THSD7B: variants seen among roughly 807,000 people sequenced by gnomAD.
THSD7B encodes thrombospondin type-1 domain-containing protein 7B.
Under a neutral mutation model 213.6 loss-of-function variants are expected in THSD7B, and 138 were observed. The ratio of observed to expected loss-of-function variants is 0.65; its 90% CI spans 0.56 to 0.74. THSD7B has a LOEUF of 0.74. Ranked by LOEUF, THSD7B falls within the 30% of genes least tolerant of loss-of-function variation. The probability of loss-of-function intolerance (pLI) is 0.00; values close to 1 mark genes in which losing one functional copy is unlikely to be tolerated. For synonymous variants in THSD7B, 742 were observed against 687.0 expected (o/e 1.08, Z -1.25); for missense variants, 1,931 against 1,991.5 (o/e 0.97, Z 0.58).
At chr2:137,545,749 G>C (rs1203592743) in intron 15 of THSD7B, among the ~76,000 whole-genome samples, 3 of 151,696 alleles carry the variant, frequency 2.0e-5, no homozygotes, top group Non-Finnish European at 4.4e-5. Flanking sequence ...CATTTATTAT[G>C]AGCCCATCAT....
chr2:136,865,204 C>A (rs1198026975), intron 1 of THSD7B, among the ~76,000 whole-genome samples: 1 of 152,100 alleles, frequency 6.6e-6, no homozygotes, highest in African/African-American at 2.4e-5. Flanking sequence ...GAGAAAGGGG[C>A]CATTTTGGCT....
At position 137,269,809 on chromosome 2, in the gene THSD7B, T is replaced by A. The variant is rs569005206; in HGVS notation, c.2267-2724T>A. Among the ~76,000 whole-genome samples the A allele has an allele frequency of 4.1e-4, 62 of 152,296 alleles. No individual in the cohort carries two copies. In the South Asian group the frequency reaches 0.012, roughly 30 times the overall value. On this transcript the variant is annotated intron_variant, in intron 10 of 27. Transcript: ENST00000409968. ...TCTTTTTAAGCATCTATTTCTAAAC[T>A]CCTCACAGAACCTTAACTACATTTA...
At chr2:136,975,507 C>G (rs1685466828) in intron 2 of THSD7B, among the ~76,000 whole-genome samples, 1 of 152,004 alleles carries the variant, frequency 6.6e-6, no homozygotes, top group Non-Finnish European at 1.5e-5. Flanking sequence ...GATGTGTGGT[C>G]TCATTTTTGA....
chr2:136,863,316 A>G (rs955585992), intron 1 of THSD7B, among the ~76,000 whole-genome samples: 1 of 152,170 alleles, frequency 6.6e-6, no homozygotes, highest in South Asian at 2.1e-4. Flanking sequence ...ATTTGTCACT[A>G]TTTGATGTTG....
chr2:137,454,068 G>C (rs1687710309), intron 15 of THSD7B, among the ~76,000 whole-genome samples: 1 of 152,138 alleles, frequency 6.6e-6, no homozygotes, highest in African/African-American at 2.4e-5. Flanking sequence ...GCTGTAATGA[G>C]TATGGGAGTG....
At chr2:136,821,804 A>C (rs868203888) in intron 1 of THSD7B, among the ~76,000 whole-genome samples, 2 of 152,182 alleles carry the variant, frequency 1.3e-5, no homozygotes, top group African/African-American at 4.8e-5. Flanking sequence ...ACATCATTTT[A>C]AAACCTTCTA....
intron 5 of THSD7B, among the ~76,000 whole-genome samples, chr2:137,134,489 A>C (rs2104957460): frequency 6.6e-6 from 1 of 152,296 alleles, no homozygotes; most frequent in South Asian, 2.1e-4. Context: ...CTGGAGCAGC[A>C]GTCCAGAGGA....
At chr2:137,496,225 G>A (rs1028060143) in intron 15 of THSD7B, among the ~76,000 whole-genome samples, 3 of 152,116 alleles carry the variant, frequency 2.0e-5, no homozygotes, top group Non-Finnish European at 2.9e-5. Context: ...TTTTGCAAGC[G>A]ATGAGTAGAT....
intron 3 of THSD7B, among the ~76,000 whole-genome samples, chr2:137,071,014 T>A (rs1687475786): frequency 6.6e-6 from 1 of 152,142 alleles, no homozygotes; most frequent in South Asian, 2.1e-4. Flanking sequence ...ATAGTGCCGC[T>A]ATAAACATAC....
At chr2:137,540,817 AG>A (rs2105191808) in intron 15 of THSD7B, among the ~76,000 whole-genome samples, 2 of 151,900 alleles carry the variant, frequency 1.3e-5, no homozygotes, top group African/African-American at 4.8e-5. Context: ...TAAAAGGAAA[AG>A]CTAGAGAATG....
chr2:137,166,639 G>A (rs529082954), intron 6 of THSD7B, among the ~76,000 whole-genome samples: 5 of 152,128 alleles, frequency 3.3e-5, no homozygotes, highest in African/African-American at 1.2e-4. Context: ...CTTTTTTGAA[G>A]ACAGTCTTTT....
chr2:137,674,805 C>T (rs1683657954), intron 27 of THSD7B, among the ~76,000 whole-genome samples: 2 of 152,096 alleles, frequency 1.3e-5, no homozygotes, highest in African/African-American at 2.4e-5. Flanking sequence ...AATGAGCACC[C>T]GCTGCATGCC....
At chr2:136,893,508 TCAAAA>T (rs55655443) in intron 2 of THSD7B, among the ~76,000 whole-genome samples, 59,873 of 151,444 alleles carry the variant, frequency 0.4, 13,964 homozygotes, top group Non-Finnish European at 0.54. Flanking sequence ...AGGTCAGAGT[TCAAAA>T]CAAGTCAGAC....
chr2:136,873,270 G>C (rs1683471395), intron 1 of THSD7B, among the ~76,000 whole-genome samples: 1 of 152,028 alleles, frequency 6.6e-6, no homozygotes, highest in Non-Finnish European at 1.5e-5. Context: ...GCAAACCAAA[G>C]ACACATGTGA....
chr2:137,175,922 A>T (rs1296391830), intron 7 of THSD7B, among the ~76,000 whole-genome samples: 5 of 152,100 alleles, frequency 3.3e-5, no homozygotes, highest in African/African-American at 7.2e-5. Flanking sequence ...TTTTTGGAAT[A>T]TTTTGCGATT....
intron 17 of THSD7B, among the ~76,000 whole-genome samples, chr2:137,584,675 A>G (rs1328359963): frequency 6.6e-6 from 1 of 152,166 alleles, no homozygotes; most frequent in Non-Finnish European, 1.5e-5. Flanking sequence ...CTTGCATCCT[A>G]GAGATGAAGC....
intron 2 of THSD7B, among the ~76,000 whole-genome samples, chr2:137,049,849 A>T (rs149929134): frequency 1.1e-3 from 162 of 152,342 alleles, no homozygotes; most frequent in Non-Finnish European, 2.0e-3. Flanking sequence ...TTGCTTGTTA[A>T]TGCTGAGATT....
At chr2:137,484,748 G>T (rs1241958085) in intron 15 of THSD7B, among the ~76,000 whole-genome samples, 1 of 70,200 alleles carries the variant, frequency 1.4e-5, no homozygotes, top group African/African-American at 5.7e-5. Flanking sequence ...TTGTGGTTTT[G>T]ATTTGCATTT....
At chr2:137,302,661 T>C (rs1459514738) in intron 12 of THSD7B, among the ~76,000 whole-genome samples, 3 of 152,142 alleles carry the variant, frequency 2.0e-5, no homozygotes, top group African/African-American at 7.2e-5. Context: ...AGTGTTCTTT[T>C]ATTTGCTCTT....
Sources: gnomAD v4.1 joint callset for allele counts (sites outside exome capture counted in the v4.1 genomes callset) on GRCh38, gnomAD v4.1.1 for gene constraint, MANE v1.5 for transcripts, NCBI Gene and HGNC (gene_info 2026-07-23, HGNC 2026-07-21) for gene names.